Variants in CYP4F2 observed in about 807,000 individuals in gnomAD.
CYP4F2 encodes the protein cytochrome P450 family 4 subfamily F member 2, also known as cytochrome P450 4F2.
Under a neutral mutation model 58.9 loss-of-function variants are expected in CYP4F2, and 58 were observed. That is an observed-to-expected ratio of 0.98 (90% CI 0.80 to 1.23). CYP4F2 has a LOEUF of 1.23. Among genes scored for constraint, CYP4F2 ranks in the 50% most tolerant of loss-of-function variants. CYP4F2 has a pLI of 0.00. For synonymous variants in CYP4F2, 287 were observed against 261.1 expected, an observed-to-expected ratio of 1.10 and a Z score of -0.95; for missense variants, 616 against 685.6, an observed-to-expected ratio of 0.90 and a Z score of 1.13.
At position 15,885,671 on chromosome 19, in the gene CYP4F2, G is replaced by A. The variant is rs1468685398; in HGVS notation, c.1115+253C>T. Among the ~76,000 whole-genome samples, 5 of 72,634 alleles carry A rather than the reference G, an allele frequency of 6.9e-5. No homozygotes were observed. The South Asian group carries it at 1.3e-3, about 20-fold the overall frequency. 47.7% of individuals were successfully genotyped at this position (72,634 alleles called of 152,430 possible). A position where few individuals can be genotyped will look rare whatever the true frequency, so the allele number is the denominator to read the frequency against. Reference sequence around the variant, plus strand: ...GAGGGGAAGTTCATTTGCTGAACACGTCTAAGTGGCGTTATCTGTCCTCAC... The same window carrying A: ...GAGGGGAAGTTCATTTGCTGAACACATCTAAGTGGCGTTATCTGTCCTCAC... On this transcript the variant is annotated intron_variant, in intron 9 of 12. Coordinates refer to ENST00000221700, the MANE Select transcript of CYP4F2 (RefSeq NM_001082.5).
At position 15,892,352 on chromosome 19, in the gene CYP4F2, T is replaced by A. The variant is rs138811366; in HGVS notation, c.482A>T (p.Lys161Met). ...LTPAFHFNIL[K>M]PYMKIFNESV... ...CTCATTGAAAATCTTCATATAGGGC[T>A]TCAGGATGTTGAAATGGAAGGCAGG... Residue 161 changes from lysine to methionine, a missense_variant, in exon 5 of 13, where the codon AAG (lysine) becomes ATG (methionine). Physicochemically the swap from Lys to Met is moderately conservative, Grantham distance 95. Coordinates refer to ENST00000221700, the MANE Select transcript of CYP4F2 (RefSeq NM_001082.5). The A allele has an allele frequency of 6.2e-7, 1 of 1,614,048 alleles. No individual in the cohort carries two copies. The highest frequency in any genetic ancestry group is 8.5e-7 in the Non-Finnish European group (1 of 1,180,042).
In CYP4F2 at chr19:15,879,845, G is replaced by T. The variant is rs147843708; in HGVS notation, c.1168C>A (p.Arg390=). ...FLTMCMKESL[R]LHPPVPVISR... is the part of the protein sequence containing the mutation. ...ATGACCGGGACTGGGGGATGCAGCCGCAGGCTCTCCTTCATGCACATGGTC... is the reference window on the plus strand; with the variant it reads ...ATGACCGGGACTGGGGGATGCAGCCTCAGGCTCTCCTTCATGCACATGGTC... Residue 390 remains arginine (R), a synonymous_variant, in exon 10 of 13, where the codon CGG becomes AGG. Transcript: ENST00000221700. The T allele has an allele frequency of 6.8e-6, 11 of 1,614,122 alleles. No homozygotes were observed. Among genetic ancestry groups the T allele is most frequent in the Non-Finnish European group, 9.3e-6 (11 of 1,180,030 alleles).
rs1449702446 is a variant in CYP4F2, at chr19:15,892,377, G to T, written c.457C>A (p.Pro153Thr). The change falls in exon 5 of 13, where the codon CCT becomes ACT. Residue 153 changes from proline (P) to threonine (T), a missense_variant. Physicochemically the swap from Pro to Thr is conservative, Grantham distance 38. Coordinates refer to ENST00000221700, the MANE Select transcript of CYP4F2 (RefSeq NM_001082.5). ...KWSRHRRMLT[P>T]AFHFNILKPY... Reference sequence around the variant, plus strand: ...TTCAGGATGTTGAAATGGAAGGCAGGCGTCAGCATCCGACGGTGGCGGCTC... The same window carrying T: ...TTCAGGATGTTGAAATGGAAGGCAGTCGTCAGCATCCGACGGTGGCGGCTC... The T allele has an allele frequency of 6.2e-7, 1 of 1,614,190 alleles. No individual in the cohort carries two copies. The highest frequency in any genetic ancestry group is 8.5e-7 in the Non-Finnish European group (1 of 1,180,040).
intron 7 of CYP4F2, 105 bp downstream of exon 7, chr19:15,889,318 T>C: frequency 6.3e-7 from 1 of 1,594,152 alleles, no homozygotes; most frequent in Non-Finnish European, 8.5e-7. Context: ...TCAATCACCT[T>C]CCATGGCTCC....
chr19:15,890,577 G>C, intron 5 of CYP4F2, 144 bp from the exon 6 acceptor site: 1 of 1,333,494 alleles, frequency 7.5e-7, no homozygotes, highest in South Asian at 1.5e-5. Context: ...CCAGGTTATG[G>C]TGCAAACAAA....
intron 7 of CYP4F2, among the ~76,000 whole-genome samples, chr19:15,887,617 C>T (rs1281154717): frequency 6.6e-6 from 1 of 151,842 alleles, no homozygotes; most frequent in East Asian, 1.9e-4. Context: ...GACACACACA[C>T]ACATAGACTA....
At chr19:15,889,041 TACAAAG>T (rs1208006529) in intron 7 of CYP4F2, among the ~76,000 whole-genome samples, 3 of 152,048 alleles carry the variant, frequency 2.0e-5, no homozygotes, top group Admixed American at 2.0e-4. Flanking sequence ...TATGGCCAAT[TACAAAG>T]ACAAAGACAT....
intron 12 of CYP4F2, 93 bp from the exon 13 acceptor site, chr19:15,879,029 C>T: frequency 1.3e-6 from 2 of 1,546,684 alleles, no homozygotes; most frequent in Non-Finnish European, 1.7e-6. Context: ...CCAACCCCAC[C>T]TAGAGCAGTT....
intron 5 of CYP4F2, 25 bp from the exon 6 acceptor site, chr19:15,890,458 G>A: frequency 1.9e-6 from 3 of 1,613,198 alleles, no homozygotes; most frequent in Non-Finnish European, 2.5e-6. Flanking sequence ...GGACAGAGCT[G>A]GGGCAGGCTC....
intron 11 of CYP4F2, 83 bp from the exon 12 acceptor site, chr19:15,879,511 T>G (rs2089329507): frequency 1.2e-6 from 2 of 1,607,450 alleles, no homozygotes; most frequent in Middle Eastern, 1.7e-4. Flanking sequence ...TGTGTGTCTT[T>G]GAGGGAGGTG....
intron 9 of CYP4F2, among the ~76,000 whole-genome samples, chr19:15,885,715 TC>T (rs2089373638): frequency 6.6e-6 from 1 of 152,026 alleles, no homozygotes; most frequent in African/African-American, 2.4e-5. Flanking sequence ...ACCAACTCTC[TC>T]AGAAGCCCAG....
chr19:15,884,797 C>G lies in CYP4F2; in HGVS notation c.1115+1127G>C, dbSNP rs1220776330. Among the ~76,000 whole-genome samples the G allele has an allele frequency of 1.3e-5, 2 of 152,138 alleles. 1 individual carries two copies. Among genetic ancestry groups the G allele is most frequent in the East Asian group, 3.9e-4 (2 of 5,190 alleles). The stretch of plus-strand genomic sequence containing the variant: ...CCTTCCTCCAGCCCCTGGCCTGGCT[C>G]TGGTCTCAGAATGTCCCCACTGTGC... On this transcript the variant is annotated intron_variant, in intron 9 of 12. Coordinates refer to ENST00000221700, the MANE Select transcript of CYP4F2 (RefSeq NM_001082.5).
At chr19:15,889,228 A>C (rs2089400723) in intron 7 of CYP4F2, among the ~76,000 whole-genome samples, 195 bp downstream of exon 7, 1 of 152,218 alleles carries the variant, frequency 6.6e-6, no homozygotes, top group African/African-American at 2.4e-5. Flanking sequence ...CAGACTTGTC[A>C]GTTTCAAGCC....
At chr19:15,897,329 CCCTT>C in intron 2 of CYP4F2, 81 bp downstream of exon 2, 1 of 1,235,328 alleles carries the variant, frequency 8.1e-7, no homozygotes, top group Non-Finnish European at 1.1e-6. Flanking sequence ...CCCAGCCCAC[CCCTT>C]CACCCCCACT....
chr19:15,881,518 A>T (rs886704275), intron 9 of CYP4F2, among the ~76,000 whole-genome samples: 12 of 152,146 alleles, frequency 7.9e-5, no homozygotes, highest in Admixed American at 2.0e-4. Flanking sequence ...AGATACATAG[A>T]TGATATATAG....
intron 9 of CYP4F2, among the ~76,000 whole-genome samples, chr19:15,885,499 C>G (rs1568470903): frequency 6.6e-6 from 1 of 152,078 alleles, no homozygotes; most frequent in African/African-American, 2.4e-5. Flanking sequence ...GTGTTCCGGA[C>G]AAGAATGGAT....
intron 9 of CYP4F2, among the ~76,000 whole-genome samples, chr19:15,880,620 T>C (rs977666022): frequency 7.0e-6 from 1 of 142,300 alleles, no homozygotes; most frequent in Non-Finnish European, 1.5e-5. Flanking sequence ...AGAGACTGCA[T>C]CTCAAAAAAA....
intron 9 of CYP4F2, among the ~76,000 whole-genome samples, chr19:15,882,266 G>GAAAGA (rs1453348610): frequency 2.0e-5 from 3 of 150,642 alleles, no homozygotes; most frequent in Non-Finnish European, 4.4e-5. Flanking sequence ...AAAAAAGAAA[G>GAAAGA]AAAGAAAAGA....
intron 7 of CYP4F2, among the ~76,000 whole-genome samples, chr19:15,886,704 C>T (rs2089382403): frequency 6.6e-6 from 1 of 152,174 alleles, no homozygotes; most frequent in Non-Finnish European, 1.5e-5. Flanking sequence ...TCTTATCCCC[C>T]TGGAGACGTT....
Sources: gnomAD v4.1 joint callset for allele counts (sites outside exome capture counted in the v4.1 genomes callset) on GRCh38, gnomAD v4.1.1 for gene constraint, MANE v1.5 for transcripts, NCBI Gene and HGNC (gene_info 2026-07-23, HGNC 2026-07-21) for gene names.